Variants in PLCXD3 observed in about 807,000 individuals in gnomAD.
The protein encoded by PLCXD3 is PI-PLC X domain-containing protein 3.
In PLCXD3, 19 loss-of-function variants were observed where a neutral mutation model predicts 25.5. The observed-to-expected ratio is 0.75, with a 90% CI of 0.52 to 1.09. PLCXD3 has a LOEUF of 1.09. Among genes scored for constraint, PLCXD3 ranks in the 50% least tolerant of loss-of-function variants. The probability of loss-of-function intolerance (pLI) is 0.00; values close to 1 mark genes in which losing one functional copy is unlikely to be tolerated. For synonymous variants in PLCXD3, 174 were observed against 137.6 expected, an observed-to-expected ratio of 1.26 and a Z score of -1.85; for missense variants, 411 against 388.1, an observed-to-expected ratio of 1.06 and a Z score of -0.50.
intron 2 of PLCXD3, among the ~76,000 whole-genome samples, chr5:41,357,255 T>A (rs1744645428): frequency 2.0e-5 from 3 of 152,242 alleles, no homozygotes; most frequent in Admixed American, 1.3e-4. Flanking sequence ...TAATTGTGGC[T>A]TATATTTGTA....
At chr5:41,454,776 C>G (rs1747714489) in intron 1 of PLCXD3, among the ~76,000 whole-genome samples, 1 of 151,922 alleles carries the variant, frequency 6.6e-6, no homozygotes, top group Admixed American at 6.6e-5. Context: ...CATATTCTCT[C>G]TCCAAGTTTA....
chr5:41,358,236 T>C (rs573726432), intron 2 of PLCXD3, among the ~76,000 whole-genome samples: 6 of 152,330 alleles, frequency 3.9e-5, no homozygotes, highest in African/African-American at 1.4e-4. Context: ...GATCACACAA[T>C]GGCAAGTGGT....
At chr5:41,329,279 C>T (rs147503036) in intron 2 of PLCXD3, among the ~76,000 whole-genome samples, 2 of 152,314 alleles carry the variant, frequency 1.3e-5, no homozygotes, top group African/African-American at 4.8e-5. Flanking sequence ...CTTCGAAACA[C>T]TAGTCAGAAT....
chr5:41,366,717 AATGTGTGCATGGTGGTTTG>A (rs1744948040), intron 2 of PLCXD3, among the ~76,000 whole-genome samples: 2 of 152,166 alleles, frequency 1.3e-5, no homozygotes, highest in Admixed American at 1.3e-4. Flanking sequence ...TACATAGGTA[AATGTGTGCATGGTGGTTTG>A]ATGCACAGAT....
chr5:41,350,021 A>G (rs1270621259), intron 2 of PLCXD3, among the ~76,000 whole-genome samples: 1 of 151,844 alleles, frequency 6.6e-6, no homozygotes, highest in Non-Finnish European at 1.5e-5. Context: ...CTGGGCTAAT[A>G]TCTGTGGATG....
intron 1 of PLCXD3, among the ~76,000 whole-genome samples, chr5:41,418,803 T>G (rs577940261): frequency 6.6e-6 from 1 of 152,230 alleles, no homozygotes; most frequent in East Asian, 1.9e-4. Context: ...GAATCAGTCA[T>G]CATTTTGGAG....
At chr5:41,482,971 A>G (rs1211829879) in intron 1 of PLCXD3, among the ~76,000 whole-genome samples, 1 of 152,262 alleles carries the variant, frequency 6.6e-6, no homozygotes, top group East Asian at 1.9e-4. Flanking sequence ...TCTAGTTTCT[A>G]TTTCTTCAAA....
intron 2 of PLCXD3, among the ~76,000 whole-genome samples, chr5:41,350,597 A>T (rs1744431187): frequency 6.6e-6 from 1 of 152,146 alleles, no homozygotes; most frequent in Non-Finnish European, 1.5e-5. Context: ...CATCATGCTT[A>T]AAAAAATACA....
intron 1 of PLCXD3, among the ~76,000 whole-genome samples, chr5:41,488,886 T>C (rs2150524844): frequency 6.6e-6 from 1 of 151,364 alleles, no homozygotes; most frequent in South Asian, 2.1e-4. Flanking sequence ...GGTTGCCTGT[T>C]CACTCTGATG....
chr5:41,347,295 T>C (rs1230160958), intron 2 of PLCXD3, among the ~76,000 whole-genome samples: 11 of 152,160 alleles, frequency 7.2e-5, no homozygotes, highest in African/African-American at 1.2e-4. Flanking sequence ...TAGAAAAAAT[T>C]AGAAAAAAAT....
intron 1 of PLCXD3, among the ~76,000 whole-genome samples, chr5:41,383,010 T>G (rs1745520051): frequency 6.6e-6 from 1 of 152,074 alleles, no homozygotes; most frequent in Non-Finnish European, 1.5e-5. Context: ...GCATATGAAG[T>G]GTTACCTCAT....
intron 1 of PLCXD3, among the ~76,000 whole-genome samples, chr5:41,411,894 ATATATCTCCATATATATG>A: frequency 1.9e-3 from 7 of 3,660 alleles, no homozygotes; most frequent in African/African-American, 6.5e-3. Flanking sequence ...GTATCCATAT[ATATATCTCCATATATATG>A]TATCCATATA....
At chr5:41,403,401 G>GTTTTTTTT in intron 1 of PLCXD3, among the ~76,000 whole-genome samples, 1 of 18,392 alleles carries the variant, frequency 5.4e-5, no homozygotes, top group East Asian at 4.6e-4. Flanking sequence ...CTTATTTGTT[G>GTTTTTTTT]TTTTTTTTTT....
chr5:41,394,783 T>G (rs1306837980), intron 1 of PLCXD3, among the ~76,000 whole-genome samples: 1 of 152,206 alleles, frequency 6.6e-6, no homozygotes, highest in Non-Finnish European at 1.5e-5. Flanking sequence ...ATAACAATTT[T>G]AACTATATAT....
chr5:41,390,496 C>A (rs1653053111), intron 1 of PLCXD3, among the ~76,000 whole-genome samples: 1 of 152,070 alleles, frequency 6.6e-6, no homozygotes, highest in African/African-American at 2.4e-5. Context: ...TCCAGTTACT[C>A]CACATGGTAC....
chr5:41,386,676 G>A (rs987484565), intron 1 of PLCXD3, among the ~76,000 whole-genome samples: 1 of 152,084 alleles, frequency 6.6e-6, no homozygotes, highest in Non-Finnish European at 1.5e-5. Flanking sequence ...ACAACAAGCA[G>A]CAACAGAGCA....
intron 1 of PLCXD3, among the ~76,000 whole-genome samples, chr5:41,487,002 G>A (rs543887086): frequency 6.6e-6 from 1 of 151,862 alleles, no homozygotes. Context: ...TAATTAGAAT[G>A]CGAATTTAAA....
chr5:41,440,054 G>T lies in PLCXD3; in HGVS notation c.104-57520C>A, dbSNP rs774607312. On this transcript the variant is annotated intron_variant, in intron 1 of 2. Transcript: ENST00000377801. ...AAGGATTCGCACACAGGTGGAACATGGGCCTGACTTGTATGATGGCCATTT... is the reference window on the plus strand; with the variant it reads ...AAGGATTCGCACACAGGTGGAACATTGGCCTGACTTGTATGATGGCCATTT... Among the ~76,000 whole-genome samples, 68 of 151,998 alleles carry T rather than the reference G, an allele frequency of 4.5e-4. 1 individual carries two copies. The highest frequency in any genetic ancestry group is 7.9e-4 in the Non-Finnish European group (54 of 68,022).
chr5:41,383,054 G>A (rs865788491), intron 1 of PLCXD3, among the ~76,000 whole-genome samples: 4 of 152,046 alleles, frequency 2.6e-5, no homozygotes, highest in Non-Finnish European at 5.9e-5. Flanking sequence ...CAAAGTGATA[G>A]GGGAAAGGAG....
Sources: allele counts gnomAD v4.1 joint callset (sites outside exome capture counted in the v4.1 genomes callset), GRCh38; gene constraint gnomAD v4.1.1; transcripts MANE v1.5; gene names NCBI Gene and HGNC (gene_info 2026-07-23, HGNC 2026-07-21).